Variants in TOP3A observed in about 807,000 individuals in gnomAD.
TOP3A encodes DNA topoisomerase III alpha, also known as DNA topoisomerase 3-alpha.
In TOP3A, 64 loss-of-function variants were observed where a neutral mutation model predicts 111.3. That is an observed-to-expected ratio of 0.57 (90% CI 0.47 to 0.71). The LOEUF (loss-of-function observed/expected upper bound fraction) is 0.71, where lower values mean the gene tolerates loss of function less well. Ranked by LOEUF, TOP3A falls within the 30% of genes least tolerant of loss-of-function variation. The pLI is 0.00. For synonymous variants in TOP3A, 484 were observed against 485.1 expected, an observed-to-expected ratio of 1.00 and a Z score of 0.03; for missense variants, 1,104 against 1,285.0, an observed-to-expected ratio of 0.86 and a Z score of 2.15.
chr17:18,287,004 G>A (rs547665871), intron 13 of TOP3A, among the ~76,000 whole-genome samples: 1 of 152,198 alleles, frequency 6.6e-6, no homozygotes, highest in East Asian at 2.0e-4. Context: ...AGCTGGTCTC[G>A]AACTCCTGAC....
chr17:18,280,764 C>G (rs1352396716), intron 16 of TOP3A, 106 bp from the exon 17 acceptor site: 2 of 1,328,250 alleles, frequency 1.5e-6, no homozygotes, highest in Admixed American at 2.0e-5. Context: ...ACAACATTCC[C>G]TTTTCTGGAT....
chr17:18,302,823 C>A (rs1981321103), intron 5 of TOP3A, 100 bp from the exon 6 acceptor site: 2 of 1,432,406 alleles, frequency 1.4e-6, no homozygotes, highest in Non-Finnish European at 1.9e-6. Context: ...AAAGGCAAAC[C>A]AGTTCAAGAA....
chr17:18,271,814 G>T lies in TOP3A; in HGVS notation c.*2988C>A. On this transcript the variant is annotated 3_prime_UTR_variant, in exon 19 of 19. Transcript: ENST00000321105. ...TGATGGCTCCTGCCTGTTAATCCTA[G>T]CACTTTGGGAGGCCGAGGCTGGTAG... 2.3e-6 allele frequency: 1 copy of T among 442,264 alleles called. No homozygotes were observed. 27.4% of individuals were successfully genotyped at this position (442,264 alleles called of 1,614,324 possible). A position where few individuals can be genotyped will look rare whatever the true frequency, so the allele number is the denominator to read the frequency against.
Position 18,272,671 on chromosome 17 carries a change from A to T in TOP3A, c.*2131T>A, listed in dbSNP as rs1245340443. On this transcript the variant is annotated 3_prime_UTR_variant, in exon 19 of 19. Coordinates refer to ENST00000321105, the MANE Select transcript of TOP3A (RefSeq NM_004618.5). ...TCAAAGAAACCAGACACAGGATGTC[A>T]TGTATGGTAGGATTTCATTTTTTTT... Among the ~76,000 whole-genome samples, 4 of 149,778 alleles carry T rather than the reference A, an allele frequency of 2.7e-5. No homozygotes were observed. Among genetic ancestry groups the T allele is most frequent in the Non-Finnish European group, 4.4e-5 (3 of 67,768 alleles).
chr17:18,276,163 C>T (rs1409079512), intron 18 of TOP3A, among the ~76,000 whole-genome samples: 2 of 152,152 alleles, frequency 1.3e-5, no homozygotes, highest in Non-Finnish European at 2.9e-5. Context: ...GAGGCAGAAA[C>T]CCAAGCAAGC....
chr17:18,284,174 ATTT>A (rs34810719), intron 15 of TOP3A, among the ~76,000 whole-genome samples: 1 of 126,842 alleles, frequency 7.9e-6, no homozygotes. Flanking sequence ...TAATTTTTGT[ATTT>A]TTTTTTTTTT....
chr17:18,307,126 C>G, intron 3 of TOP3A, 160 bp from the exon 4 acceptor site: 1 of 567,988 alleles, frequency 1.8e-6, no homozygotes, highest in Non-Finnish European at 3.1e-6. Flanking sequence ...GACACACTGT[C>G]CACTTCTCCA....
At chr17:18,295,359 G>C (rs1160927454) in intron 9 of TOP3A, among the ~76,000 whole-genome samples, 1 of 152,084 alleles carries the variant, frequency 6.6e-6, no homozygotes, top group South Asian at 2.1e-4. Flanking sequence ...TGCTGGCCTG[G>C]CTGGTCTCGA....
At chr17:18,299,870 G>C (rs1981115984) in intron 8 of TOP3A, among the ~76,000 whole-genome samples, 1 of 152,114 alleles carries the variant, frequency 6.6e-6, no homozygotes, top group Admixed American at 6.6e-5. Context: ...AAGCCTTAAG[G>C]TGCTTCCACC....
chr17:18,277,895 G>C lies in TOP3A; in HGVS notation c.2607C>G (p.Ala869=), dbSNP rs1349686310. Residue 869 remains alanine, a synonymous_variant, in exon 18 of 19, where the codon GCC becomes GCG. Transcript: ENST00000321105. The part of the protein sequence containing the change: ...PPALAYRPLG[A]SLGCPPGPGI... ...CTGGGCCTGGTGGGCATCCCAGGGA[G>C]GCGCCCAGGGGTCTATATGCCAAGG... The C allele has an allele frequency of 6.2e-7, 1 of 1,613,966 alleles. No homozygotes were observed. Among genetic ancestry groups the C allele is most frequent in the Non-Finnish European group, 8.5e-7 (1 of 1,180,004 alleles).
intron 1 of TOP3A, among the ~76,000 whole-genome samples, chr17:18,314,271 TA>T (rs1405949203): frequency 6.6e-6 from 1 of 151,988 alleles, no homozygotes; most frequent in Non-Finnish European, 1.5e-5. Context: ...GGAAAAACAG[TA>T]AAATACACAC....
intron 1 of TOP3A, among the ~76,000 whole-genome samples, chr17:18,310,952 C>T (rs1257387855): frequency 6.6e-6 from 1 of 152,104 alleles, no homozygotes; most frequent in Admixed American, 6.6e-5. Context: ...GTTTCTACTG[C>T]CTGGTAAAAC....
chr17:18,303,461 G>A (rs547650175), intron 5 of TOP3A, among the ~76,000 whole-genome samples: 3 of 152,272 alleles, frequency 2.0e-5, no homozygotes, highest in South Asian at 2.1e-4. Flanking sequence ...TCTCCTGCAC[G>A]TCTCTGGGAA....
chr17:18,296,294 C>A (rs1340980897), intron 9 of TOP3A, among the ~76,000 whole-genome samples: 3 of 151,992 alleles, frequency 2.0e-5, no homozygotes, highest in African/African-American at 7.2e-5. Flanking sequence ...TATATAAAAT[C>A]AATGCAGCTG....
intron 16 of TOP3A, among the ~76,000 whole-genome samples, 176 bp downstream of exon 16, chr17:18,282,522 C>T (rs1206678371): frequency 6.6e-6 from 1 of 152,340 alleles, no homozygotes; most frequent in South Asian, 2.1e-4. Flanking sequence ...GTGCTTTACA[C>T]CTCAAAGGCC....
intron 13 of TOP3A, among the ~76,000 whole-genome samples, chr17:18,288,148 T>TATATATATATATATAA (rs1292446447): frequency 2.3e-5 from 3 of 132,260 alleles, no homozygotes; most frequent in Non-Finnish European, 3.3e-5. Context: ...TATATATATA[T>TATATATATATATATAA]AAATTTTTTT....
At chr17:18,275,584 G>C (rs750746012) in intron 18 of TOP3A, among the ~76,000 whole-genome samples, 1 of 151,334 alleles carries the variant, frequency 6.6e-6, no homozygotes, top group Non-Finnish European at 1.5e-5. Flanking sequence ...GGATGGTCTC[G>C]ATCTCCTAAC....
rs776677075 is a variant in TOP3A at position 18,314,689 on chromosome 17, G to C, written c.90C>G (p.Leu30=). ...CACAGAGGACTTTCCGCACGCCTCG[G>C]AGGGCCATCTCCATGGCGGCGCGGG... ...AFSRAAMEMA[L]RGVRKVLCVA... The change falls in exon 1 of 19, where the codon CTC becomes CTG. Residue 30 remains leucine (L), a synonymous_variant. Coordinates refer to ENST00000321105, the MANE Select transcript of TOP3A (RefSeq NM_004618.5). The C allele has an allele frequency of 1.2e-6, 2 of 1,612,494 alleles. No homozygotes were observed. Among genetic ancestry groups the C allele is most frequent in the South Asian group, 2.2e-5 (2 of 90,808 alleles).
intron 13 of TOP3A, among the ~76,000 whole-genome samples, chr17:18,288,029 G>T (rs1318258941): frequency 6.6e-6 from 1 of 150,900 alleles, no homozygotes; most frequent in Non-Finnish European, 1.5e-5. Flanking sequence ...CAAAAAAACT[G>T]ACTGTGGTGA....
Sources: allele counts gnomAD v4.1 joint callset (sites outside exome capture counted in the v4.1 genomes callset), GRCh38; gene constraint gnomAD v4.1.1; transcripts MANE v1.5; gene names NCBI Gene and HGNC (gene_info 2026-07-23, HGNC 2026-07-21).